Variants in MSN observed in about 807,000 individuals in gnomAD.
MSN encodes the protein moesin, also known as epididymis luminal protein 70.
Under a neutral mutation model 48.0 loss-of-function variants are expected in MSN, and 2 were observed. The ratio of observed to expected loss-of-function variants is 0.04; its 90% confidence interval spans 0.02 to 0.13. The LOEUF is 0.13. MSN is among the 10% of genes least tolerant of loss of function. The pLI, the probability that MSN is intolerant of heterozygous loss-of-function variation, is 1.00. For missense variants in MSN, 267 were observed against 470.1 expected, an observed-to-expected ratio of 0.57 and a Z score of 3.99; for synonymous variants, 146 against 166.9, an observed-to-expected ratio of 0.87 and a Z score of 0.97.
intron 1 of MSN, among the ~76,000 whole-genome samples, chrX:65,618,305 G>A (rs901151269): frequency 9.0e-6 from 1 of 110,840 alleles, no homozygotes; most frequent in African/African-American, 3.3e-5. Context: ...TTGACAGTGG[G>A]GTGTTAAAGT....
intron 1 of MSN, among the ~76,000 whole-genome samples, chrX:65,649,315 C>T (rs2070720557): frequency 9.8e-6 from 1 of 101,807 alleles, no homozygotes; most frequent in Non-Finnish European, 2.0e-5. Flanking sequence ...CCTGTAGTCC[C>T]AGCACTTTAG....
At chrX:65,626,826 C>CT (rs199853468) in intron 1 of MSN, among the ~76,000 whole-genome samples, 16,605 of 110,846 alleles carry the variant, frequency 0.15, 3,060 homozygotes, top group African/African-American at 0.51. Context: ...AAACAAGTGC[C>CT]TGTGTCAGTC....
intron 1 of MSN, among the ~76,000 whole-genome samples, chrX:65,658,852 CT>C (rs1229066847): frequency 8.5e-5 from 9 of 106,302 alleles, no homozygotes; most frequent in Admixed American, 3.0e-4. Flanking sequence ...TCTTTTCTTT[CT>C]TTTTTTTTTG....
At chrX:65,667,938 G>A in intron 1 of MSN, 85 bp downstream of exon 1, 1 of 1,054,001 alleles carries the variant, frequency 9.5e-7, no homozygotes, top group South Asian at 2.0e-5. Context: ...GGCTTGGCCA[G>A]CCACCGGCCC....
chrX:65,722,442 T>TGTGTGTG (rs2071527729), intron 2 of MSN, among the ~76,000 whole-genome samples: 2 of 108,694 alleles, frequency 1.8e-5, no homozygotes, highest in African/African-American at 6.7e-5. Context: ...TGTGTGTGTG[T>TGTGTGTG]TTGGAGACAA....
At chrX:65,733,060 T>TTA in intron 6 of MSN, 124 bp from the exon 7 acceptor site, 2 of 411,404 alleles carry the variant, frequency 4.9e-6, no homozygotes, top group Non-Finnish European at 8.0e-6. Flanking sequence ...CTATTTATTT[T>TTA]AAAAAAAAAA....
intron 2 of MSN, among the ~76,000 whole-genome samples, 161 bp from the exon 3 acceptor site, chrX:65,727,653 T>C (rs1052999789): frequency 2.7e-5 from 3 of 111,967 alleles, no homozygotes; most frequent in African/African-American, 9.8e-5. Flanking sequence ...GATGCCGACA[T>C]CAGTTCTTGA....
upstream of MSN, among the ~76,000 whole-genome samples, chrX:65,667,351 C>G (rs2070881110): frequency 9.1e-6 from 1 of 110,168 alleles, no homozygotes; most frequent in Non-Finnish European, 1.9e-5. Context: ...GAGTAAGCAT[C>G]TGTCAGGGCC....
rs924030632 is a variant in MSN at position 65,614,387 on chromosome X, G to GT, written c.-22+25783dup. The stretch of plus-strand genomic sequence containing the variant: ...TTTCTTCCATATAAAATTTAAAGTA[G>GT]TTTTTTTTCTAATTTTGTGGAGAAA... On this transcript the variant is annotated intron_variant, in intron 1 of 3. Transcript: ENST00000609672. Among the ~76,000 whole-genome samples, 9 of 110,262 alleles carry GT rather than the reference G, an allele frequency of 8.2e-5. No homozygotes were observed. In the East Asian group the frequency reaches 1.1e-3, roughly 14 times the overall value.
At chrX:65,737,997 G>A (rs2071695413) in intron 10 of MSN, among the ~76,000 whole-genome samples, 1 of 112,414 alleles carries the variant, frequency 8.9e-6, no homozygotes. Context: ...ACTGTTGGAG[G>A]TGGGAATAGA....
intron 1 of MSN, among the ~76,000 whole-genome samples, chrX:65,615,056 A>G (rs1359094719): frequency 9.6e-6 from 1 of 104,500 alleles, no homozygotes; most frequent in African/African-American, 3.5e-5. Flanking sequence ...ATGGCTGCAT[A>G]GTATTCCATG....
Position 65,667,871 on chromosome X carries a change from G to A in MSN, c.12+18G>A. ...CCAAAACGGTGAGTGCCGGAGGTGG[G>A]CGCTGTCGACCCCAATGGCTCTGGC... is the stretch of plus-strand genomic sequence containing the variant. On this transcript the variant is annotated intron_variant, in intron 1 of 12. Transcript: ENST00000360270. The A allele has an allele frequency of 1.7e-6, 2 of 1,207,178 alleles. No individual in the cohort carries two copies. The highest frequency in any genetic ancestry group is 2.2e-6 in the Non-Finnish European group (2 of 892,529).
chrX:65,645,922 T>C (rs2070691828), intron 1 of MSN, among the ~76,000 whole-genome samples: 1 of 112,133 alleles, frequency 8.9e-6, no homozygotes, highest in African/African-American at 3.2e-5. Flanking sequence ...ATTTCTAATA[T>C]AGGTCTAGTA....
At chrX:65,632,952 G>A (rs2070569873) in intron 1 of MSN, among the ~76,000 whole-genome samples, 1 of 111,924 alleles carries the variant, frequency 8.9e-6, no homozygotes, top group Non-Finnish European at 1.9e-5. Context: ...TTTCTCAGGA[G>A]AAGTAATCCT....
chrX:65,600,588 T>C (rs997325097), intron 1 of MSN: 3 of 112,159 alleles, frequency 2.7e-5, no homozygotes, highest in African/African-American at 9.7e-5. Flanking sequence ...TACTGCTGGC[T>C]ACAGGAATTA....
chrX:65,736,790 C>A lies in MSN; in HGVS notation c.960-5C>A. The A allele has an allele frequency of 8.6e-7, 1 of 1,162,973 alleles. No homozygotes were observed. Among genetic ancestry groups the A allele is most frequent in the South Asian group, 1.9e-5 (1 of 52,270 alleles). ...CTGTTCTATCCATTTTATCTCCTTC[C>A]CTAGTGCTATGCTGGAAAATGAGAA... On this transcript the variant is annotated splice_polypyrimidine_tract_variant and splice_region_variant and intron_variant, in intron 8 of 12. Transcript: ENST00000360270.
intron 1 of MSN, among the ~76,000 whole-genome samples, chrX:65,629,220 G>A (rs1014599384): frequency 8.9e-6 from 1 of 111,732 alleles, no homozygotes; most frequent in Non-Finnish European, 1.9e-5. Context: ...AATTCCACCA[G>A]TCTCTTTGCT....
intron 1 of MSN, among the ~76,000 whole-genome samples, chrX:65,675,740 C>A (rs753623608): frequency 9.0e-6 from 1 of 110,805 alleles, no homozygotes; most frequent in East Asian, 2.8e-4. Context: ...TGGGTTCAAG[C>A]GATTCTCGTT....
At chrX:65,670,785 C>T (rs751412188) in intron 1 of MSN, among the ~76,000 whole-genome samples, 1 of 100,493 alleles carries the variant, frequency 1.0e-5, no homozygotes, top group Non-Finnish European at 2.0e-5. Context: ...CCCTTGCCTT[C>T]TTGCCATTCC....
Sources: allele counts gnomAD v4.1 joint callset (sites outside exome capture counted in the v4.1 genomes callset), GRCh38; gene constraint gnomAD v4.1.1; transcripts MANE v1.5; gene names NCBI Gene and HGNC (gene_info 2026-07-23, HGNC 2026-07-21).